The following DTNA variants were observed in gnomAD, a reference collection of about 807,000 sequenced individuals.
The protein encoded by DTNA is dystrophin-related protein 3.
In DTNA, 43 loss-of-function variants were observed where a neutral mutation model predicts 100.7. The observed-to-expected ratio is 0.43, with a 90% CI of 0.33 to 0.55. The LOEUF (loss-of-function observed/expected upper bound fraction) is 0.55, where lower values mean the gene tolerates loss of function less well. Ranked by LOEUF, DTNA falls within the 20% of genes least tolerant of loss-of-function variation. The pLI is 0.04. For missense variants in DTNA, 798 were observed against 953.9 expected (o/e 0.84, Z 2.15); for synonymous variants, 349 against 347.9 (o/e 1.00, Z -0.04).
At chr18:34,723,922 GA>G (rs370399697) in intron 1 of DTNA, among the ~76,000 whole-genome samples, 14,579 of 150,104 alleles carry the variant, frequency 0.097, 729 homozygotes, top group South Asian at 0.12. Flanking sequence ...AAGAAAGAAA[GA>G]AAAAAAAACT....
intron 1 of DTNA, among the ~76,000 whole-genome samples, chr18:34,686,503 G>A (rs1052334568): frequency 6.6e-6 from 1 of 152,142 alleles, no homozygotes; most frequent in East Asian, 1.9e-4. Context: ...TGATTGTGGT[G>A]GATAATCTTT....
chr18:34,799,666 T>C (rs2095130958), intron 4 of DTNA, among the ~76,000 whole-genome samples: 1 of 152,220 alleles, frequency 6.6e-6, no homozygotes, highest in Admixed American at 6.5e-5. Context: ...AAAATCTTGT[T>C]GTAGTGAAAA....
chr18:34,584,254 G>T (rs1255325652), intron 1 of DTNA, among the ~76,000 whole-genome samples: 1 of 149,070 alleles, frequency 6.7e-6, no homozygotes, highest in African/African-American at 2.6e-5. Context: ...TGAGCAGACA[G>T]CTAAAGAATA....
chr18:34,569,536 A>C (rs949525706), intron 1 of DTNA, among the ~76,000 whole-genome samples: 1 of 152,212 alleles, frequency 6.6e-6, no homozygotes, highest in Non-Finnish European at 1.5e-5. Context: ...GAAAGGATTC[A>C]TCTAACTCAA....
intron 17 of DTNA, among the ~76,000 whole-genome samples, chr18:34,869,774 C>T (rs1168013805): frequency 6.6e-6 from 1 of 152,220 alleles, no homozygotes; most frequent in African/African-American, 2.4e-5. Flanking sequence ...GTAATCCCAG[C>T]ACTTTGGGAG....
chr18:34,631,950 A>T (rs2058127200), intron 1 of DTNA, among the ~76,000 whole-genome samples: 1 of 152,180 alleles, frequency 6.6e-6, no homozygotes, highest in African/African-American at 2.4e-5. Context: ...TCCATTTGGC[A>T]GATAAGTTTT....
At chr18:34,809,476 C>T (rs1446173154) in intron 5 of DTNA, among the ~76,000 whole-genome samples, 1 of 151,068 alleles carries the variant, frequency 6.6e-6, no homozygotes, top group Non-Finnish European at 1.5e-5. Context: ...CAAAACAAAA[C>T]AAAAAAAACA....
At chr18:34,658,327 ATTTTGCT>A in intron 1 of DTNA, among the ~76,000 whole-genome samples, 1 of 152,180 alleles carries the variant, frequency 6.6e-6, no homozygotes, top group East Asian at 1.9e-4. Flanking sequence ...TAGTATCCAA[ATTTTGCT>A]TTTATAAAAA....
chr18:34,547,140 A>T (rs1442645838), intron 1 of DTNA, among the ~76,000 whole-genome samples: 1 of 152,142 alleles, frequency 6.6e-6, no homozygotes, highest in East Asian at 1.9e-4. Context: ...AAGATTGGAA[A>T]TTTGTATAAT....
intron 1 of DTNA, among the ~76,000 whole-genome samples, chr18:34,699,980 C>G (rs1252041402): frequency 6.6e-6 from 1 of 152,166 alleles, no homozygotes; most frequent in Non-Finnish European, 1.5e-5. Flanking sequence ...TTTCTCAGCA[C>G]CATTTCTCTC....
chr18:34,867,081 ATAT>A, intron 17 of DTNA: 1 of 1,230,842 alleles, frequency 8.1e-7, no homozygotes, highest in Non-Finnish European at 1.0e-6. Context: ...GTATGACAAT[ATAT>A]CCCACTCACT....
intron 1 of DTNA, among the ~76,000 whole-genome samples, chr18:34,494,191 G>A (rs942346063): frequency 2.0e-5 from 3 of 152,060 alleles, no homozygotes; most frequent in Non-Finnish European, 4.4e-5. Flanking sequence ...CTGGTGGGAG[G>A]TGGAGTGTCT....
chr18:34,501,019 A>G (rs933502161), intron 1 of DTNA, among the ~76,000 whole-genome samples: 2 of 152,232 alleles, frequency 1.3e-5, no homozygotes, highest in African/African-American at 4.8e-5. Flanking sequence ...GAGTGCAAGC[A>G]TCTTTGCCTT....
intron 17 of DTNA, chr18:34,868,532 T>A: frequency 1.0e-6 from 1 of 985,462 alleles, no homozygotes; most frequent in Non-Finnish European, 1.2e-6. Flanking sequence ...TTCTCCCCTT[T>A]GGGGACATTG....
Position 34,794,040 on chromosome 18 carries a change from A to C in DTNA, c.152A>C (p.His51Pro). The change falls in exon 4 of 23, where the codon CAC becomes CCC. Residue 51 changes from histidine to proline, a missense_variant. His to Pro is a moderately conservative substitution (Grantham distance 77). Transcript: ENST00000444659. ...LRFVQKKCNL[H>P]LVDIWNVIEA... ...GTTAACTCTGCTTTAATTGTAGTGCACCTGGTGGACATATGGAATGTCATA... is the reference window on the plus strand; with the variant it reads ...GTTAACTCTGCTTTAATTGTAGTGCCCCTGGTGGACATATGGAATGTCATA... The C allele has an allele frequency of 6.2e-7, 1 of 1,613,882 alleles. No individual in the cohort carries two copies. Among genetic ancestry groups the C allele is most frequent in the Non-Finnish European group, 8.5e-7 (1 of 1,179,912 alleles).
intron 11 of DTNA, among the ~76,000 whole-genome samples, chr18:34,836,835 G>GGA (rs2149694892): frequency 6.6e-6 from 1 of 151,984 alleles, no homozygotes; most frequent in African/African-American, 2.4e-5. Context: ...AAATTTATCA[G>GGA]ATACCTCACT....
chr18:34,763,778 A>G (rs916913650), intron 2 of DTNA, among the ~76,000 whole-genome samples: 3 of 152,218 alleles, frequency 2.0e-5, no homozygotes, highest in African/African-American at 7.2e-5. Flanking sequence ...ATGCTTGATC[A>G]TAATGAAAAT....
chr18:34,874,579 GGAGAA>G (rs2096796712), intron 17 of DTNA, among the ~76,000 whole-genome samples: 1 of 152,036 alleles, frequency 6.6e-6, no homozygotes, highest in Non-Finnish European at 1.5e-5. Flanking sequence ...CTTTTTCATA[GGAGAA>G]GAGAAGGACA....
intron 6 of DTNA, 105 bp downstream of exon 6, chr18:34,812,218 ATAGCAACCTG>A: frequency 6.7e-7 from 1 of 1,496,390 alleles, no homozygotes. Context: ...ATTCTGTGTG[ATAGCAACCTG>A]TATTGTATTT....
Sources: allele counts gnomAD v4.1 joint callset (sites outside exome capture counted in the v4.1 genomes callset), GRCh38; gene constraint gnomAD v4.1.1; transcripts MANE v1.5; gene names NCBI Gene and HGNC (gene_info 2026-07-23, HGNC 2026-07-21).